PEBP4: variants seen among roughly 807,000 people sequenced by gnomAD.
PEBP4 encodes the protein phosphatidylethanolamine-binding protein 4.
A neutral mutation model predicts 23.9 loss-of-function variants in PEBP4; 22 were observed. The observed-to-expected ratio is 0.92, with a 90% CI of 0.66 to 1.31. The LOEUF is 1.31. PEBP4 is among the 40% of genes most tolerant of loss of function. The pLI is 0.00. For missense variants in PEBP4, 324 were observed against 281.7 expected, an observed-to-expected ratio of 1.15 and a Z score of -1.07; for synonymous variants, 112 against 99.3, an observed-to-expected ratio of 1.13 and a Z score of -0.76.
chr8:22,823,179 G>C (rs781651591), intron 3 of PEBP4, among the ~76,000 whole-genome samples: 1 of 151,844 alleles, frequency 6.6e-6, no homozygotes, highest in Non-Finnish European at 1.5e-5. Context: ...TTTACTACAT[G>C]ATAGTTATAA....
chr8:22,920,107 C>T (rs1809167395), intron 3 of PEBP4, 77 bp downstream of exon 3: 2 of 1,550,748 alleles, frequency 1.3e-6, no homozygotes, highest in South Asian at 2.4e-5. Flanking sequence ...AGCTTCAAGT[C>T]ACCCAGATGA....
intron 3 of PEBP4, among the ~76,000 whole-genome samples, chr8:22,873,226 T>C (rs1012767736): frequency 3.3e-5 from 5 of 152,212 alleles, no homozygotes. Flanking sequence ...TATATATTTC[T>C]TCTTTCTCTT....
intron 4 of PEBP4, among the ~76,000 whole-genome samples, chr8:22,814,065 G>A (rs1364494151): frequency 6.6e-6 from 1 of 152,176 alleles, no homozygotes; most frequent in Non-Finnish European, 1.5e-5. Context: ...ATGATGTAGA[G>A]TTTACTATGT....
intron 4 of PEBP4, among the ~76,000 whole-genome samples, chr8:22,809,077 A>G (rs1451255008): frequency 6.6e-6 from 1 of 152,168 alleles, no homozygotes; most frequent in Non-Finnish European, 1.5e-5. Context: ...CGACTTTCTA[A>G]GCTTCCTATG....
intron 3 of PEBP4, among the ~76,000 whole-genome samples, chr8:22,918,980 G>A (rs1425495004): frequency 6.6e-6 from 1 of 151,998 alleles, no homozygotes; most frequent in African/African-American, 2.4e-5. Context: ...TCTTCCCAAA[G>A]GAAAGGGTGT....
intron 3 of PEBP4, among the ~76,000 whole-genome samples, chr8:22,908,251 G>C (rs1808856847): frequency 1.3e-5 from 2 of 152,208 alleles, no homozygotes; most frequent in East Asian, 3.9e-4. Flanking sequence ...GGCATTGGAT[G>C]AGACCACCCA....
At chr8:22,903,868 G>A (rs552429965) in intron 3 of PEBP4, among the ~76,000 whole-genome samples, 1 of 152,334 alleles carries the variant, frequency 6.6e-6, no homozygotes, top group Admixed American at 6.5e-5. Flanking sequence ...CTTCAAGGCA[G>A]ATATTGCTCT....
intron 4 of PEBP4, among the ~76,000 whole-genome samples, chr8:22,777,827 G>C (rs1019678299): frequency 1.3e-5 from 2 of 152,264 alleles, no homozygotes; most frequent in South Asian, 2.1e-4. Flanking sequence ...TGCAAGGCTG[G>C]GGAGGCTGAG....
At chr8:22,804,536 T>G (rs899750297) in intron 4 of PEBP4, among the ~76,000 whole-genome samples, 1 of 152,146 alleles carries the variant, frequency 6.6e-6, no homozygotes, top group African/African-American at 2.4e-5. Flanking sequence ...AGTTTTTAAG[T>G]GTACAGTATG....
chr8:22,874,867 T>C (rs1296014960), intron 3 of PEBP4, among the ~76,000 whole-genome samples: 2 of 152,214 alleles, frequency 1.3e-5, no homozygotes, highest in East Asian at 1.9e-4. Flanking sequence ...AGGCATCAGC[T>C]TTTCTGATTC....
At chr8:22,824,390 C>T (rs2128762995) in intron 3 of PEBP4, among the ~76,000 whole-genome samples, 1 of 152,192 alleles carries the variant, frequency 6.6e-6, no homozygotes, top group Non-Finnish European at 1.5e-5. Context: ...TTCCCCGTGG[C>T]CCCTCCTGTC....
At chr8:22,780,123 C>T (rs1402133125) in intron 4 of PEBP4, among the ~76,000 whole-genome samples, 1 of 151,964 alleles carries the variant, frequency 6.6e-6, no homozygotes, top group Non-Finnish European at 1.5e-5. Context: ...ACTATCACAT[C>T]CAGCTAATTT....
At chr8:22,910,046 C>G (rs570782861) in intron 3 of PEBP4, among the ~76,000 whole-genome samples, 7 of 152,314 alleles carry the variant, frequency 4.6e-5, no homozygotes, top group South Asian at 4.1e-4. Context: ...GAGGCTCAAA[C>G]GAGGTACTGA....
intron 4 of PEBP4, among the ~76,000 whole-genome samples, chr8:22,735,883 G>A (rs1190904557): frequency 3.3e-5 from 5 of 152,216 alleles, no homozygotes; most frequent in African/African-American, 1.2e-4. Flanking sequence ...TAATAAAAGG[G>A]CTACATGTTC....
intron 4 of PEBP4, among the ~76,000 whole-genome samples, chr8:22,734,544 T>C (rs1324469318): frequency 6.6e-6 from 1 of 152,182 alleles, no homozygotes; most frequent in African/African-American, 2.4e-5. Flanking sequence ...GCTTGGTGAA[T>C]ATCATCTTAG....
intron 2 of PEBP4, among the ~76,000 whole-genome samples, 193 bp from the exon 3 acceptor site, chr8:22,920,503 A>T (rs972321076): frequency 6.6e-6 from 1 of 152,204 alleles, no homozygotes. Context: ...TAAAACGAAG[A>T]CACTAATAAT....
intron 6 of PEBP4, among the ~76,000 whole-genome samples, chr8:22,718,781 G>C (rs1471496038): frequency 2.0e-5 from 3 of 152,142 alleles, no homozygotes; most frequent in African/African-American, 4.8e-5. Flanking sequence ...GTGCGCTGGT[G>C]GGGGGCAGTC....
chr8:22,819,354 A>T (rs1390450085), intron 3 of PEBP4, among the ~76,000 whole-genome samples: 2 of 152,248 alleles, frequency 1.3e-5, no homozygotes, highest in African/African-American at 4.8e-5. Context: ...ATGAGGACAC[A>T]GATGTGACAA....
chr8:22,854,974 A>G (rs1241927974), intron 3 of PEBP4, among the ~76,000 whole-genome samples: 1 of 142,720 alleles, frequency 7.0e-6, no homozygotes, highest in African/African-American at 2.6e-5. Context: ...GCTTGTCCAA[A>G]TGAGTGTGTA....
Sources: gnomAD v4.1 joint callset for allele counts (sites outside exome capture counted in the v4.1 genomes callset) on GRCh38, gnomAD v4.1.1 for gene constraint, MANE v1.5 for transcripts, NCBI Gene and HGNC (gene_info 2026-07-23, HGNC 2026-07-21) for gene names.